The following GPRC5D variants were observed in gnomAD, a reference collection of about 807,000 sequenced individuals.
The protein encoded by GPRC5D is G protein-coupled receptor class C group 5 member D, also known as G protein-coupled receptor family C group 5 member D.
Under a neutral mutation model 29.3 loss-of-function variants are expected in GPRC5D, and 20 were observed. That is an observed-to-expected ratio of 0.68 (90% CI 0.48 to 0.99). The LOEUF (loss-of-function observed/expected upper bound fraction) is 0.99. Among genes scored for constraint, GPRC5D ranks in the 50% least tolerant of loss-of-function variants. GPRC5D has a pLI of 0.00. For missense variants in GPRC5D, 384 were observed against 423.6 expected (o/e 0.91, Z 0.82); for synonymous variants, 178 against 171.3 (o/e 1.04, Z -0.30).
chr12:12,947,744 A>G (rs111707992), intron 1 of GPRC5D, among the ~76,000 whole-genome samples: 6,232 of 152,006 alleles, frequency 0.041, 165 homozygotes, highest in Non-Finnish European at 0.066. Flanking sequence ...TTTTGTAGAG[A>G]CGGGGTTTCG....
intron 1 of GPRC5D, among the ~76,000 whole-genome samples, chr12:12,946,178 C>T (rs988480020): frequency 2.6e-5 from 4 of 152,140 alleles, no homozygotes; most frequent in Non-Finnish European, 5.9e-5. Flanking sequence ...CCATTTCCAC[C>T]CACTATCTTT....
chr12:12,942,385 CA>C, intron 1 of GPRC5D, 57 bp from the exon 3 acceptor site: 2 of 1,041,766 alleles, frequency 1.9e-6, no homozygotes, highest in Non-Finnish European at 3.0e-6. Flanking sequence ...TCGGAAACAG[CA>C]CATGAGGACT....
chr12:12,945,695 C>G (rs1011249388), intron 1 of GPRC5D, among the ~76,000 whole-genome samples: 1 of 152,150 alleles, frequency 6.6e-6, no homozygotes, highest in Non-Finnish European at 1.5e-5. Flanking sequence ...AGAATTACAT[C>G]TCTATTTTAT....
At chr12:12,947,125 C>G (rs1270224419) in intron 1 of GPRC5D, 1 of 152,204 alleles carries the variant, frequency 6.6e-6, no homozygotes, top group Non-Finnish European at 1.5e-5. Context: ...CAGTGGGTAT[C>G]CTTGCTAGAG....
At chr12:12,942,478 T>C in intron 1 of GPRC5D, 150 bp from the exon 3 acceptor site, 1 of 611,240 alleles carries the variant, frequency 1.6e-6, no homozygotes, top group Non-Finnish European at 2.9e-6. Flanking sequence ...CTCACGCCTG[T>C]AATCCCAGCA....
intron 1 of GPRC5D, among the ~76,000 whole-genome samples, chr12:12,946,287 C>T (rs1045563633): frequency 1.7e-4 from 15 of 86,072 alleles, no homozygotes; most frequent in East Asian, 3.5e-4. Context: ...TTCCTTCCTT[C>T]CTTTCTTCCT....
intron 1 of GPRC5D, among the ~76,000 whole-genome samples, chr12:12,949,227 C>T (rs1222903885): frequency 6.6e-6 from 1 of 152,178 alleles, no homozygotes; most frequent in Non-Finnish European, 1.5e-5. Context: ...CATTCAGAGT[C>T]ATACCCTCTT....
At chr12:12,944,647 GATTATCTA>G (rs1863228845) in intron 1 of GPRC5D, among the ~76,000 whole-genome samples, 1 of 151,856 alleles carries the variant, frequency 6.6e-6, no homozygotes, top group Non-Finnish European at 1.5e-5. Flanking sequence ...TAGACTCATT[GATTATCTA>G]ATGCCTTCAA....
At chr12:12,944,867 TTCTTTC>T (rs2136495329) in intron 1 of GPRC5D, among the ~76,000 whole-genome samples, 1 of 99,378 alleles carries the variant, frequency 1.0e-5, no homozygotes, top group African/African-American at 3.3e-5. Flanking sequence ...CTTTCTTTCT[TTCTTTC>T]TTTCTTTCTT....
chr12:12,945,268 G>C (rs1347147692), intron 1 of GPRC5D, among the ~76,000 whole-genome samples: 1 of 152,074 alleles, frequency 6.6e-6, no homozygotes, highest in Non-Finnish European at 1.5e-5. Context: ...GCCTCCCAAA[G>C]TGCTGGGATC....
intron 1 of GPRC5D, among the ~76,000 whole-genome samples, chr12:12,944,847 TTCC>T (rs1373708980): frequency 3.2e-4 from 11 of 34,012 alleles, no homozygotes; most frequent in African/African-American, 8.1e-4. Flanking sequence ...CCTTCCTTCC[TTCC>T]TTCTTTCTTT....
At position 12,948,212 on chromosome 12, in the gene GPRC5D, G is replaced by C. The variant is rs148456014; in HGVS notation, c.895+1278C>G. ...CACAGCAGCAACGAAAACACAAAAA[G>C]TTTTATCTTCTAGTAAGAACTATGA... On this transcript the variant is annotated intron_variant, in intron 1 of 2. Transcript: ENST00000228887. 3.1e-3 allele frequency: 479 copies of C among 152,200 alleles called. 1 individual carries two copies. The highest frequency in any genetic ancestry group is 0.011 in the African/African-American group (453 of 41,528). 9.4% of individuals were successfully genotyped at this position (152,200 alleles called of 1,614,324 possible).
upstream of GPRC5D, among the ~76,000 whole-genome samples, chr12:12,951,177 C>T (rs191115862): frequency 6.6e-5 from 10 of 152,260 alleles, no homozygotes; most frequent in Non-Finnish European, 1.0e-4. Flanking sequence ...CAACTGCTTT[C>T]GCACCAACCT....
intron 2 of GPRC5D, among the ~76,000 whole-genome samples, chr12:12,941,658 A>G (rs1863149328): frequency 6.6e-6 from 1 of 152,152 alleles, no homozygotes; most frequent in Non-Finnish European, 1.5e-5. Flanking sequence ...GGCTGTTTAG[A>G]TTTGTATGTC....
exon 1 of GPRC5D, chr12:12,949,830 G>A: frequency 6.2e-7 from 1 of 1,614,142 alleles, no homozygotes; most frequent in East Asian, 2.2e-5. Context: ...TGGAGACGAA[G>A]AATGTGAGGG....
At chr12:12,941,186 C>T (rs1402535154) in intron 2 of GPRC5D, among the ~76,000 whole-genome samples, 3 of 152,206 alleles carry the variant, frequency 2.0e-5, no homozygotes, top group Non-Finnish European at 2.9e-5. Flanking sequence ...GCTGGGATTA[C>T]AGGCATGAAC....
chr12:12,944,244 G>A (rs1863219006), intron 1 of GPRC5D: 1 of 152,240 alleles, frequency 6.6e-6, no homozygotes, highest in Non-Finnish European at 1.5e-5. Context: ...TAGGACCACA[G>A]GTGTGTGCCA....
chr12:12,940,714 A>G, downstream of GPRC5D: 1 of 980,232 alleles, frequency 1.0e-6, no homozygotes, highest in South Asian at 1.3e-5. Flanking sequence ...CCCGTGGGCT[A>G]TCAGGGCTAT....
intron 1 of GPRC5D, chr12:12,947,074 G>T (rs1863367005): frequency 6.6e-6 from 1 of 152,162 alleles, no homozygotes; most frequent in South Asian, 2.1e-4. Flanking sequence ...GTTGGGTTCT[G>T]CCAAGCCTCC....
Sources: gnomAD v4.1 joint callset for allele counts (sites outside exome capture counted in the v4.1 genomes callset) on GRCh38, gnomAD v4.1.1 for gene constraint, MANE v1.5 for transcripts, NCBI Gene and HGNC (gene_info 2026-07-23, HGNC 2026-07-21) for gene names.